IPO7: variants seen among roughly 807,000 people sequenced by gnomAD.
The protein encoded by IPO7 is importin-7.
In IPO7, 13 loss-of-function variants were observed where a neutral mutation model predicts 136.4. The observed-to-expected ratio is 0.10, with a 90% CI of 0.06 to 0.15. The LOEUF (loss-of-function observed/expected upper bound fraction) is 0.15, where lower values mean the gene tolerates loss of function less well. IPO7 is among the 10% of genes least tolerant of loss of function. IPO7 has a pLI of 1.00. For synonymous variants in IPO7, 403 were observed against 404.4 expected (o/e 1.00, Z 0.04); for missense variants, 857 against 1,240.6 (o/e 0.69, Z 4.65).
intron 6 of IPO7, among the ~76,000 whole-genome samples, chr11:9,417,743 G>A (rs142519350): frequency 0.11 from 15,203 of 142,068 alleles, 1,090 homozygotes; most frequent in Non-Finnish European, 0.15. Context: ...CTGAAGTTTC[G>A]CTCTTGTTGC....
At chr11:9,400,725 T>C (rs1854782169) in intron 1 of IPO7, among the ~76,000 whole-genome samples, 1 of 152,076 alleles carries the variant, frequency 6.6e-6, no homozygotes, top group African/African-American at 2.4e-5. Flanking sequence ...CCCGGCCTAC[T>C]AAATAAGTAA....
intron 2 of IPO7, among the ~76,000 whole-genome samples, chr11:9,406,939 G>A (rs1351345179): frequency 1.3e-5 from 2 of 152,176 alleles, no homozygotes; most frequent in Admixed American, 6.5e-5. Flanking sequence ...ATGGCATATG[G>A]TGGTTTCATC....
chr11:9,430,161 C>T (rs1023297634), intron 15 of IPO7, among the ~76,000 whole-genome samples: 1 of 152,144 alleles, frequency 6.6e-6, no homozygotes, highest in Non-Finnish European at 1.5e-5. Context: ...TCTACTGCTC[C>T]TAACAGGCCA....
rs1323869011 is a variant in IPO7, at chr11:9,444,852, A to G, written c.3020-245A>G. Among the ~76,000 whole-genome samples the G allele has an allele frequency of 2.0e-5, 3 of 152,040 alleles. No homozygotes were observed. The East Asian group carries it at 5.8e-4, about 30-fold the overall frequency. ...ACTCTGTCTCAAAAAAAAAAAAAAA[A>G]AAAGATTTTTTTCTTAACAGTGGGA... On this transcript the variant is annotated intron_variant, in intron 24 of 24. Transcript: ENST00000379719.
intron 3 of IPO7, among the ~76,000 whole-genome samples, chr11:9,408,874 C>T (rs1472030112): frequency 1.3e-5 from 2 of 151,194 alleles, no homozygotes; most frequent in Admixed American, 6.6e-5. Context: ...GCACCACGCC[C>T]AGCTAATTTT....
At chr11:9,408,075 G>GT (rs1205403022) in intron 2 of IPO7, among the ~76,000 whole-genome samples, 1 of 151,952 alleles carries the variant, frequency 6.6e-6, no homozygotes, top group African/African-American at 2.4e-5. Context: ...ATAAGAACTG[G>GT]TTTTTTTATT....
At chr11:9,392,233 A>C in intron 1 of IPO7, 2 of 292,940 alleles carry the variant, frequency 6.8e-6, no homozygotes, top group African/African-American at 2.8e-5. Context: ...ACTGGAGTGC[A>C]ATGGCACAAT....
intron 3 of IPO7, among the ~76,000 whole-genome samples, chr11:9,408,964 G>A (rs552134428): frequency 4.5e-4 from 69 of 151,860 alleles, no homozygotes; most frequent in African/African-American, 1.6e-3. Context: ...CAACTGCCTC[G>A]GCTTCCCAAA....
chr11:9,403,812 A>G (rs1270943105), intron 2 of IPO7, among the ~76,000 whole-genome samples: 1 of 152,174 alleles, frequency 6.6e-6, no homozygotes, highest in Non-Finnish European at 1.5e-5. Flanking sequence ...GTGGCATACT[A>G]CTTTTCTGAA....
chr11:9,402,257 G>C (rs894590250), intron 1 of IPO7, among the ~76,000 whole-genome samples: 1 of 150,722 alleles, frequency 6.6e-6, no homozygotes, highest in Non-Finnish European at 1.5e-5. Context: ...AAAATTAGCC[G>C]GGCATGGTGG....
At chr11:9,424,138 A>G (rs1855171091) in intron 10 of IPO7, among the ~76,000 whole-genome samples, 1 of 152,216 alleles carries the variant, frequency 6.6e-6, no homozygotes, top group Non-Finnish European at 1.5e-5. Flanking sequence ...ACACCTCAAC[A>G]CTAAATGTCT....
intron 2 of IPO7, among the ~76,000 whole-genome samples, chr11:9,405,655 T>C (rs1010573272): frequency 6.6e-6 from 1 of 151,928 alleles, no homozygotes; most frequent in Non-Finnish European, 1.5e-5. Context: ...GCTTGTGAGC[T>C]CAAGTGATCT....
intron 1 of IPO7, among the ~76,000 whole-genome samples, chr11:9,388,793 G>A (rs1440189152): frequency 1.3e-5 from 2 of 152,030 alleles, no homozygotes; most frequent in Non-Finnish European, 2.9e-5. Flanking sequence ...TAGAACTCTT[G>A]GCCTCAAGCA....
At chr11:9,408,434 T>A in intron 2 of IPO7, 52 bp from the exon 3 acceptor site, 1 of 1,243,370 alleles carries the variant, frequency 8.0e-7, no homozygotes, top group Non-Finnish European at 1.1e-6. Context: ...TGTGGGATTT[T>A]CACAGTACTT....
At chr11:9,411,917 G>A (rs1325968062) in intron 4 of IPO7, among the ~76,000 whole-genome samples, 1 of 152,170 alleles carries the variant, frequency 6.6e-6, no homozygotes, top group Non-Finnish European at 1.5e-5. Flanking sequence ...TGTAGAACAA[G>A]TATTTAAACT....
intron 20 of IPO7, 152 bp downstream of exon 20, chr11:9,436,518 A>G: frequency 1.8e-6 from 1 of 546,530 alleles, no homozygotes; most frequent in Non-Finnish European, 3.3e-6. Flanking sequence ...AATGTAACTA[A>G]TATATAATAA....
chr11:9,384,721 C>G lies in IPO7; in HGVS notation c.-43C>G, dbSNP rs1438953195. The stretch of plus-strand genomic sequence containing the variant: ...CGCAGTGAGTGGCGCTATTCCTGGC[C>G]CAGTAGCACCCGAGCCCCGGGTTTG... On this transcript the variant is annotated 5_prime_UTR_variant, in exon 1 of 25. Coordinates refer to ENST00000379719, the MANE Select transcript of IPO7 (RefSeq NM_006391.3). 2.7e-6 allele frequency: 4 copies of G among 1,500,612 alleles called. No homozygotes were observed. The East Asian group carries it at 7.4e-5, about 28-fold the overall frequency. The allele number at this position is 1,500,612 out of a possible 1,614,324, so 93.0% of individuals were successfully genotyped here.
intron 1 of IPO7, among the ~76,000 whole-genome samples, chr11:9,397,341 A>AAAAAAATATATATATATATATATATAT: frequency 9.3e-5 from 1 of 10,758 alleles, no homozygotes; most frequent in African/African-American, 2.5e-4. Flanking sequence ...TTTAAAAAAA[A>AAAAAAATATATATATATATATATATAT]ATATATATAT....
At chr11:9,400,440 C>G (rs76611497) in intron 1 of IPO7, among the ~76,000 whole-genome samples, 1 of 146,216 alleles carries the variant, frequency 6.8e-6, no homozygotes, top group African/African-American at 2.5e-5. Flanking sequence ...TTTTTTTTTT[C>G]TGAGACCTAA....
Sources: allele counts gnomAD v4.1 joint callset (sites outside exome capture counted in the v4.1 genomes callset), GRCh38; gene constraint gnomAD v4.1.1; transcripts MANE v1.5; gene names NCBI Gene and HGNC (gene_info 2026-07-23, HGNC 2026-07-21).